Variants in PPP1R1C observed in about 807,000 individuals in gnomAD.
PPP1R1C encodes the protein protein phosphatase 1 regulatory inhibitor subunit 1C, also known as protein phosphatase 1 regulatory subunit 1C.
Under a neutral mutation model 17.4 loss-of-function variants are expected in PPP1R1C, and 15 were observed. The ratio of observed to expected loss-of-function variants is 0.86; its 90% CI spans 0.58 to 1.33. The LOEUF (loss-of-function observed/expected upper bound fraction) is 1.33, where lower values mean the gene tolerates loss of function less well. Ranked by LOEUF, PPP1R1C falls within the 40% of genes most tolerant of loss-of-function variation. The probability of loss-of-function intolerance (pLI) is 0.00; values close to 1 mark genes in which losing one functional copy is unlikely to be tolerated. For synonymous variants in PPP1R1C, 35 were observed against 43.1 expected (o/e 0.81, Z 0.73); for missense variants, 143 against 130.0 (o/e 1.10, Z -0.48).
Position 181,987,758 on chromosome 2 carries a change from G to A in PPP1R1C, c.82-81G>A, listed in dbSNP as rs986595525. 4 of 1,411,438 alleles carry A rather than the reference G, an allele frequency of 2.8e-6. No homozygotes were observed. In the East Asian group the frequency reaches 7.0e-5, roughly 25 times the overall value. The allele number at this position is 1,411,438 out of a possible 1,614,324, so 87.4% of individuals were successfully genotyped here. A position where few individuals can be genotyped will look rare whatever the true frequency, so the allele number is the denominator to read the frequency against. ...TTGCATGTGGGGAAAAGATGAGGGT[G>A]AGACAGCTTTGCAAGCTGCAGAGTA... On this transcript the variant is annotated intron_variant, in intron 1 of 4. Transcript: ENST00000682840.
At position 181,976,967 on chromosome 2, in the gene PPP1R1C, G is replaced by C. The variant is rs865860871; in HGVS notation, n.157+1703G>C. 6.6e-6 allele frequency among the ~76,000 whole-genome samples: 1 copy of C among 151,150 alleles called. No individual in the cohort carries two copies. Among genetic ancestry groups the C allele is most frequent in the Non-Finnish European group, 1.5e-5 (1 of 67,764 alleles). On this transcript the variant is annotated intron_variant and non_coding_transcript_variant, in intron 2 of 5. Transcript: ENST00000464264. The surrounding 1 kb of genome is among the most constrained non-coding windows in gnomAD (Gnocchi z 4.8). Reference sequence around the variant, plus strand: ...AGCCTGGGCAACATAGCGAGACCCTGTCTCTACTAAAAATACAAAAATTAG... The same window carrying C: ...AGCCTGGGCAACATAGCGAGACCCTCTCTCTACTAAAAATACAAAAATTAG...
Position 182,009,933 on chromosome 2 carries a change from T to C in PPP1R1C, c.142+22034T>C, listed in dbSNP as rs1035266082. On this transcript the variant is annotated intron_variant, in intron 2 of 4. Coordinates refer to ENST00000682840, the MANE Select transcript of PPP1R1C (RefSeq NM_001080545.3). Reference sequence around the variant, plus strand: ...ACTTTGGTCAAAAATGAATTCACTGTAGGTGTGTGGATTTGTTTCTGGGTT... The same window carrying C: ...ACTTTGGTCAAAAATGAATTCACTGCAGGTGTGTGGATTTGTTTCTGGGTT... Among the ~76,000 whole-genome samples the C allele has an allele frequency of 1.1e-4, 17 of 152,116 alleles. 1 individual carries two copies. Among genetic ancestry groups the C allele is most frequent in the Admixed American group, 1.0e-3 (16 of 15,262 alleles).
intron 2 of PPP1R1C, among the ~76,000 whole-genome samples, chr2:182,024,952 CTTT>C (rs527611180): frequency 7.4e-6 from 1 of 134,400 alleles, no homozygotes; most frequent in Admixed American, 7.3e-5. Flanking sequence ...ATATATTCTT[CTTT>C]TTTTTTTTTT....
At chr2:181,985,061 A>G (rs1164354333), upstream of PPP1R1C, among the ~76,000 whole-genome samples, 1 of 152,224 alleles carries the variant, frequency 6.6e-6, no homozygotes. The surrounding 1 kb of genome is among the most constrained non-coding windows in gnomAD (Gnocchi z 4.1). Flanking sequence ...GTTGACAACA[A>G]GCCATAATGT....
intron 4 of PPP1R1C, among the ~76,000 whole-genome samples, chr2:182,114,045 C>G (rs540209618): frequency 1.2e-4 from 19 of 152,246 alleles, no homozygotes; most frequent in Admixed American, 3.3e-4. Context: ...TCCTTTTCTT[C>G]TTTTATTGTC....
chr2:181,978,592 G>A (rs1381909050), intron 2 of PPP1R1C, among the ~76,000 whole-genome samples: 1 of 152,202 alleles, frequency 6.6e-6, no homozygotes, highest in Non-Finnish European at 1.5e-5. Flanking sequence ...CTTCTTCACA[G>A]TGCAGTGGCT....
downstream of PPP1R1C, among the ~76,000 whole-genome samples, chr2:182,120,953 A>G (rs1245869100): frequency 6.6e-6 from 1 of 152,210 alleles, no homozygotes; most frequent in Non-Finnish European, 1.5e-5. Flanking sequence ...GAATTCAATT[A>G]AAAGCTTAAG....
chr2:181,985,215 C>T (rs1408446991), upstream of PPP1R1C, among the ~76,000 whole-genome samples: 2 of 152,206 alleles, frequency 1.3e-5, no homozygotes, highest in African/African-American at 2.4e-5. This position sits in a 1 kb window ranked among gnomAD's most constrained non-coding sequence, Gnocchi z 4.1. Flanking sequence ...CAGCACAATA[C>T]TTTCCACTCT....
chr2:182,097,578 G>T (rs1483754357), intron 4 of PPP1R1C, among the ~76,000 whole-genome samples: 1 of 152,170 alleles, frequency 6.6e-6, no homozygotes, highest in Non-Finnish European at 1.5e-5. Flanking sequence ...GTCTTTCCAT[G>T]AAACTGGTGA....
At chr2:182,047,544 C>T (rs958437764) in intron 2 of PPP1R1C, among the ~76,000 whole-genome samples, 2 of 151,992 alleles carry the variant, frequency 1.3e-5, no homozygotes, top group African/African-American at 4.8e-5. Context: ...CAAAGAAAAC[C>T]CATCCATTAA....
intron 2 of PPP1R1C, among the ~76,000 whole-genome samples, chr2:182,022,778 G>A (rs1686465762): frequency 6.6e-6 from 1 of 152,138 alleles, no homozygotes; most frequent in Non-Finnish European, 1.5e-5. Flanking sequence ...AGAAGAATAA[G>A]TGTATCTCCC....
chr2:182,042,711 A>G (rs1314887448), intron 2 of PPP1R1C, among the ~76,000 whole-genome samples: 1 of 152,224 alleles, frequency 6.6e-6, no homozygotes, highest in Non-Finnish European at 1.5e-5. Context: ...CAGAATTGTA[A>G]TGCCTTATAC....
At chr2:181,990,710 A>G (rs1297170249) in intron 2 of PPP1R1C, among the ~76,000 whole-genome samples, 6 of 152,238 alleles carry the variant, frequency 3.9e-5, no homozygotes, top group African/African-American at 1.4e-4. Context: ...TTTCTTTTCC[A>G]CACATTATTT....
chr2:182,003,448 C>A (rs1480781236), intron 2 of PPP1R1C, among the ~76,000 whole-genome samples: 2 of 152,102 alleles, frequency 1.3e-5, no homozygotes, highest in Non-Finnish European at 2.9e-5. Context: ...CCCTATTTTA[C>A]TAAATACTTG....
At chr2:182,010,745 T>C (rs576903243) in intron 2 of PPP1R1C, among the ~76,000 whole-genome samples, 1 of 152,220 alleles carries the variant, frequency 6.6e-6, no homozygotes, top group South Asian at 2.1e-4. Context: ...TTCAGTATGA[T>C]ACTAGCTTGT....
At chr2:181,984,744 T>C (rs1685255603), upstream of PPP1R1C, among the ~76,000 whole-genome samples, 1 of 152,358 alleles carries the variant, frequency 6.6e-6, no homozygotes, top group African/African-American at 2.4e-5. Context: ...TGTAAATACC[T>C]GGAATCATAG....
chr2:182,122,674 G>A (rs1157650625), downstream of PPP1R1C, among the ~76,000 whole-genome samples: 1 of 152,012 alleles, frequency 6.6e-6, no homozygotes, highest in African/African-American at 2.4e-5. Flanking sequence ...ATGGCATGAT[G>A]TGTGAGATTT....
At chr2:182,092,625 A>AT (rs1176523195) in intron 4 of PPP1R1C, among the ~76,000 whole-genome samples, 1 of 152,204 alleles carries the variant, frequency 6.6e-6, no homozygotes, top group African/African-American at 2.4e-5. Flanking sequence ...CCTAGATCTA[A>AT]TGGCGGTACA....
chr2:182,038,018 A>G (rs968919192), intron 2 of PPP1R1C, among the ~76,000 whole-genome samples: 3 of 151,900 alleles, frequency 2.0e-5, no homozygotes, highest in Non-Finnish European at 2.9e-5. Flanking sequence ...GGCAATTTCT[A>G]TTTATATTTA....
Sources: allele counts gnomAD v4.1 joint callset (sites outside exome capture counted in the v4.1 genomes callset), GRCh38; gene constraint gnomAD v4.1.1; non-coding constraint Gnocchi (gnomAD v3.1); transcripts MANE v1.5; gene names NCBI Gene and HGNC (gene_info 2026-07-23, HGNC 2026-07-21).